GABRG2: variants seen among roughly 807,000 people sequenced by gnomAD.
GABRG2 encodes gamma-aminobutyric acid receptor subunit gamma-2.
GABRG2 carries 16 observed loss-of-function variants against 56.4 expected under a neutral mutation model. The ratio of observed to expected loss-of-function variants is 0.28; its 90% confidence interval spans 0.19 to 0.43. GABRG2 has a LOEUF of 0.43. GABRG2 is among the 20% of genes least tolerant of loss of function. The pLI is 1.00. For missense variants in GABRG2, 327 were observed against 582.7 expected, an observed-to-expected ratio of 0.56 and a Z score of 4.52; for synonymous variants, 208 against 205.5, an observed-to-expected ratio of 1.01 and a Z score of -0.10.
At chr5:162,086,114 C>G (rs1417398776) in intron 1 of GABRG2, among the ~76,000 whole-genome samples, 1 of 151,890 alleles carries the variant, frequency 6.6e-6, no homozygotes, top group African/African-American at 2.4e-5. Context: ...TTTTCCCATG[C>G]AGAGAATCAT....
chr5:162,128,308 A>G (rs889567210), intron 6 of GABRG2: 4 of 151,942 alleles, frequency 2.6e-5, no homozygotes, highest in African/African-American at 9.7e-5. Flanking sequence ...TTCAACCCGC[A>G]TTCAGCAAGT....
chr5:162,133,126 C>G (rs2205364), intron 6 of GABRG2, among the ~76,000 whole-genome samples: 28,146 of 151,726 alleles, frequency 0.19, 3,576 homozygotes, highest in African/African-American at 0.36. Context: ...ACTCCTGAAG[C>G]CTGAAGGTAG....
chr5:162,075,032 AC>A (rs1294434091), intron 1 of GABRG2, among the ~76,000 whole-genome samples: 1 of 152,098 alleles, frequency 6.6e-6, no homozygotes, highest in East Asian at 1.9e-4. Context: ...TAAACAAATA[AC>A]CCTCTTCCAC....
chr5:162,126,159 T>C (rs1763328287), intron 6 of GABRG2, among the ~76,000 whole-genome samples: 1 of 151,950 alleles, frequency 6.6e-6, no homozygotes, highest in Admixed American at 6.6e-5. Flanking sequence ...GTAGTTAAAA[T>C]CTTCAAGAAA....
At chr5:162,123,128 A>G (rs1216083288) in intron 6 of GABRG2, among the ~76,000 whole-genome samples, 2 of 151,802 alleles carry the variant, frequency 1.3e-5, no homozygotes, top group South Asian at 2.1e-4. Flanking sequence ...AAAGATGACT[A>G]AATGTTTTAA....
chr5:162,135,011 C>T (rs537374756), intron 6 of GABRG2, among the ~76,000 whole-genome samples: 1 of 152,252 alleles, frequency 6.6e-6, no homozygotes, highest in East Asian at 1.9e-4. Flanking sequence ...TTTTGTTCTT[C>T]ACGAACTTAA....
intron 1 of GABRG2, among the ~76,000 whole-genome samples, chr5:162,068,661 C>T (rs1167042262): frequency 2.0e-5 from 3 of 152,044 alleles, no homozygotes; most frequent in East Asian, 3.9e-4. Flanking sequence ...GCCAACTACC[C>T]GTGTGCAAAC....
chr5:162,127,470 G>C (rs1007676832), intron 6 of GABRG2, among the ~76,000 whole-genome samples: 1 of 151,830 alleles, frequency 6.6e-6, no homozygotes, highest in Non-Finnish European at 1.5e-5. Context: ...ATCTATATTT[G>C]TATCATAGTT....
At chr5:162,109,671 A>G (rs1762120971) in intron 6 of GABRG2, among the ~76,000 whole-genome samples, 1 of 152,012 alleles carries the variant, frequency 6.6e-6, no homozygotes, top group Non-Finnish European at 1.5e-5. Flanking sequence ...ACAGTATATC[A>G]TTCATCAATG....
Position 162,067,890 on chromosome 5 carries a change from G to A in GABRG2, c.-110G>A. The A allele has an allele frequency of 1.3e-6, 1 of 765,118 alleles. No homozygotes were observed. Among genetic ancestry groups the A allele is most frequent in the South Asian group, 1.4e-5 (1 of 70,302 alleles). The allele number at this position is 765,118 out of a possible 1,614,324, so 47.4% of individuals were successfully genotyped here. On this transcript the variant is annotated 5_prime_UTR_variant, in exon 1 of 10. Coordinates refer to ENST00000639213, the MANE Select transcript of GABRG2 (RefSeq NM_198904.4). ...TCTCCCCAGTGAAGGACCTACTAGA[G>A]GCAGGTGGGGGGAGCCACCATCAGA... is the stretch of plus-strand genomic sequence containing the variant.
At position 162,155,336 on chromosome 5, in the gene GABRG2, T is replaced by G. The variant is rs549173529; in HGVS notation, c.*1968T>G. On this transcript the variant is annotated 3_prime_UTR_variant, in exon 10 of 10. Coordinates refer to ENST00000639213, the MANE Select transcript of GABRG2 (RefSeq NM_198904.4). ...GAAACATTATTGTCAACTTGAAATG[T>G]GTTCTGTAATGGGGACACTACAAAA... The G allele has an allele frequency of 9.4e-4, 143 of 152,632 alleles. No individual in the cohort carries two copies. Among genetic ancestry groups the G allele is most frequent in the African/African-American group, 3.3e-3 (139 of 41,558 alleles). The allele number at this position is 152,632 out of a possible 1,614,324, so 9.5% of individuals were successfully genotyped here.
chr5:162,071,014 T>TAAC (rs71587177), intron 1 of GABRG2, among the ~76,000 whole-genome samples: 15 of 151,378 alleles, frequency 9.9e-5, no homozygotes, highest in African/African-American at 3.6e-4. Context: ...TTAACTTCAA[T>TAAC]CTTTTATTTG....
intron 9 of GABRG2, chr5:162,152,404 T>C: frequency 2.2e-6 from 1 of 447,404 alleles, no homozygotes; most frequent in Non-Finnish European, 4.4e-6. Context: ...ATCATTTAGT[T>C]GCATAGAAAT....
intron 6 of GABRG2, among the ~76,000 whole-genome samples, chr5:162,130,741 A>G (rs1312511404): frequency 6.6e-6 from 1 of 151,948 alleles, no homozygotes; most frequent in East Asian, 1.9e-4. Context: ...CTTGGTTTGT[A>G]GGATTCGTTT....
Position 162,137,125 on chromosome 5 carries a change from A to G in GABRG2, c.770-5039A>G, listed in dbSNP as rs115376626. On this transcript the variant is annotated intron_variant, in intron 6 of 9. Transcript: ENST00000639213. The stretch of plus-strand genomic sequence containing the variant: ...TTAATTTGGAAATCTTTTATCCACA[A>G]AAATGTTCTGGATCCCTTAAGCTCA... Among the ~76,000 whole-genome samples, 260 of 152,198 alleles carry G rather than the reference A, an allele frequency of 1.7e-3. 1 individual carries two copies. The highest frequency in any genetic ancestry group is 3.3e-3 in the Admixed American group (51 of 15,290).
chr5:162,073,446 A>G (rs1758834079), intron 1 of GABRG2, among the ~76,000 whole-genome samples: 1 of 151,896 alleles, frequency 6.6e-6, no homozygotes, highest in Non-Finnish European at 1.5e-5. Flanking sequence ...TAAAGAGGAG[A>G]TCTTGCTTTT....
intron 1 of GABRG2, among the ~76,000 whole-genome samples, chr5:162,092,948 G>A (rs1250247468): frequency 6.6e-6 from 1 of 152,070 alleles, no homozygotes; most frequent in Non-Finnish European, 1.5e-5. Context: ...CATCATCTTG[G>A]CGGGGTTGCC....
intron 1 of GABRG2, among the ~76,000 whole-genome samples, chr5:162,078,390 TA>T (rs1367734610): frequency 0.044 from 1,867 of 42,804 alleles, 77 homozygotes; most frequent in Non-Finnish European, 0.052. Context: ...TATATATATA[TA>T]TATATATTTT....
chr5:162,070,912 T>C (rs1459796931), intron 1 of GABRG2, among the ~76,000 whole-genome samples: 2 of 151,946 alleles, frequency 1.3e-5, no homozygotes, highest in South Asian at 4.1e-4. Context: ...GTCTATACTT[T>C]TCTGATTTCC....
Sources: allele counts gnomAD v4.1 joint callset (sites outside exome capture counted in the v4.1 genomes callset), GRCh38; gene constraint gnomAD v4.1.1; transcripts MANE v1.5; gene names NCBI Gene and HGNC (gene_info 2026-07-23, HGNC 2026-07-21).